Variants in ZFAND6 observed in about 807,000 individuals in gnomAD.
The protein encoded by ZFAND6 is zinc finger AN1-type containing 6, also known as AN1-type zinc finger protein 6.
ZFAND6 carries 12 observed loss-of-function variants against 24.5 expected under a neutral mutation model. That is an observed-to-expected ratio of 0.49 (90% CI 0.31 to 0.79). The LOEUF (loss-of-function observed/expected upper bound fraction) is 0.79, where lower values mean the gene tolerates loss of function less well. ZFAND6 is among the 30% of genes least tolerant of loss of function. The pLI, the probability that ZFAND6 is intolerant of heterozygous loss-of-function variation, is 0.04. For synonymous variants in ZFAND6, 92 were observed against 81.5 expected, an observed-to-expected ratio of 1.13 and a Z score of -0.69; for missense variants, 207 against 245.9, an observed-to-expected ratio of 0.84 and a Z score of 1.06.
intron 1 of ZFAND6, among the ~76,000 whole-genome samples, chr15:80,076,476 G>T (rs1397112904): frequency 6.6e-6 from 1 of 151,720 alleles, no homozygotes; most frequent in Admixed American, 6.6e-5. Flanking sequence ...TCCATTTTAG[G>T]CTCTGTATAA....
intron 2 of ZFAND6, chr15:80,112,913 T>C (rs184315261): frequency 6.6e-6 from 3 of 455,418 alleles, no homozygotes; most frequent in Admixed American, 4.7e-5. Flanking sequence ...AAATCCTATT[T>C]TGCACTCTTC....
chr15:80,074,083 T>A (rs2037130818), intron 1 of ZFAND6, among the ~76,000 whole-genome samples: 1 of 151,942 alleles, frequency 6.6e-6, no homozygotes, highest in Non-Finnish European at 1.5e-5. Context: ...TCAAAGTTTT[T>A]CTGATGTGTA....
chr15:80,116,583 G>T (rs915573354), intron 2 of ZFAND6, among the ~76,000 whole-genome samples: 4 of 152,066 alleles, frequency 2.6e-5, no homozygotes, highest in African/African-American at 9.7e-5. Flanking sequence ...GAAAATCTGG[G>T]CTCATATGTA....
At chr15:80,078,959 A>G (rs2037460466) in intron 1 of ZFAND6, among the ~76,000 whole-genome samples, 1 of 151,738 alleles carries the variant, frequency 6.6e-6, no homozygotes, top group Non-Finnish European at 1.5e-5. Flanking sequence ...ACATATGTAT[A>G]CATGTGCCAT....
At chr15:80,107,883 G>A (rs945272405) in intron 2 of ZFAND6, among the ~76,000 whole-genome samples, 1 of 147,596 alleles carries the variant, frequency 6.8e-6, no homozygotes, top group African/African-American at 2.5e-5. Flanking sequence ...GGGCAGCGGG[G>A]AGGGGGAAGG....
At chr15:80,070,532 C>A (rs2036916547) in intron 1 of ZFAND6, among the ~76,000 whole-genome samples, 1 of 152,170 alleles carries the variant, frequency 6.6e-6, no homozygotes, top group Non-Finnish European at 1.5e-5. Flanking sequence ...AACCTGTTTG[C>A]TACCTAAAAT....
At chr15:80,120,067 T>C (rs2040079933) in intron 2 of ZFAND6, among the ~76,000 whole-genome samples, 1 of 152,140 alleles carries the variant, frequency 6.6e-6, no homozygotes, top group Non-Finnish European at 1.5e-5. Flanking sequence ...TCAAAACAGA[T>C]TTCTTTCTCT....
chr15:80,108,571 G>A (rs971649871), intron 2 of ZFAND6, among the ~76,000 whole-genome samples: 1 of 152,064 alleles, frequency 6.6e-6, no homozygotes. Flanking sequence ...TGAAACCTAG[G>A]TCAGTTTGAG....
At chr15:80,082,896 T>C (rs1485314047) in intron 1 of ZFAND6, among the ~76,000 whole-genome samples, 9 of 152,146 alleles carry the variant, frequency 5.9e-5, no homozygotes, top group Non-Finnish European at 8.8e-5. Flanking sequence ...TTAATTTTCT[T>C]TTATAAAGTT....
intron 6 of ZFAND6, among the ~76,000 whole-genome samples, chr15:80,132,193 A>G (rs1388368700): frequency 6.6e-6 from 1 of 152,210 alleles, no homozygotes; most frequent in African/African-American, 2.4e-5. Context: ...TTTCTAATAC[A>G]TTGGAAAATT....
At chr15:80,132,299 A>G (rs966125006) in intron 6 of ZFAND6, among the ~76,000 whole-genome samples, 3 of 152,214 alleles carry the variant, frequency 2.0e-5, no homozygotes, top group African/African-American at 4.8e-5. Context: ...CATGTCTTGA[A>G]TGTGTAAAAC....
chr15:80,086,812 T>C (rs765828677), intron 1 of ZFAND6, among the ~76,000 whole-genome samples: 8 of 152,222 alleles, frequency 5.3e-5, no homozygotes, highest in African/African-American at 9.6e-5. Flanking sequence ...CATTAAACTA[T>C]AACTCCCAAT....
intron 2 of ZFAND6, among the ~76,000 whole-genome samples, chr15:80,102,918 A>T (rs546141041): frequency 6.6e-5 from 10 of 152,364 alleles, no homozygotes; most frequent in African/African-American, 2.4e-4. Flanking sequence ...GGATTATTTT[A>T]AAAATCTTTG....
intron 1 of ZFAND6, among the ~76,000 whole-genome samples, chr15:80,066,262 T>C (rs913197360): frequency 2.6e-5 from 4 of 152,192 alleles, no homozygotes; most frequent in Admixed American, 2.0e-4. Flanking sequence ...TTTAAGTTGA[T>C]TGGTGGTACC....
intron 2 of ZFAND6, among the ~76,000 whole-genome samples, chr15:80,107,921 A>G (rs2039421431): frequency 6.6e-6 from 1 of 152,126 alleles, no homozygotes; most frequent in Non-Finnish European, 1.5e-5. Context: ...AAGAATCCCC[A>G]GGAGTCCACA....
intron 1 of ZFAND6, among the ~76,000 whole-genome samples, chr15:80,077,997 C>T (rs1260468157): frequency 3.9e-5 from 6 of 152,130 alleles, no homozygotes; most frequent in Non-Finnish European, 7.3e-5. Context: ...CCGCGCCCGG[C>T]TTTCAAAACT....
intron 1 of ZFAND6, among the ~76,000 whole-genome samples, chr15:80,075,554 G>T (rs1052962709): frequency 6.6e-6 from 1 of 152,028 alleles, no homozygotes; most frequent in Admixed American, 6.5e-5. Flanking sequence ...GATATGAAAA[G>T]TGATGGTTGC....
intron 2 of ZFAND6, among the ~76,000 whole-genome samples, chr15:80,114,864 CATA>C (rs1305813853): frequency 6.6e-6 from 1 of 152,060 alleles, no homozygotes; most frequent in Non-Finnish European, 1.5e-5. Context: ...ATTAAAGCTG[CATA>C]ATATGTTAAC....
intron 5 of ZFAND6, among the ~76,000 whole-genome samples, chr15:80,124,972 A>G (rs1041279454): frequency 3.3e-5 from 5 of 152,224 alleles, no homozygotes; most frequent in Admixed American, 2.6e-4. Context: ...ATGTTTGTAT[A>G]TATGTACGTG....
Sources: allele counts gnomAD v4.1 joint callset (sites outside exome capture counted in the v4.1 genomes callset), GRCh38; gene constraint gnomAD v4.1.1; transcripts MANE v1.5; gene names NCBI Gene and HGNC (gene_info 2026-07-23, HGNC 2026-07-21).